HP1BP3: variants seen among roughly 807,000 people sequenced by gnomAD.
HP1BP3 encodes heterochromatin protein 1-binding protein 3.
In HP1BP3, 12 loss-of-function variants were observed where a neutral mutation model predicts 62.5. The ratio of observed to expected loss-of-function variants is 0.19; its 90% confidence interval spans 0.12 to 0.31. The LOEUF is 0.31. Ranked by LOEUF, HP1BP3 falls within the 10% of genes least tolerant of loss-of-function variation. The pLI, the probability that HP1BP3 is intolerant of heterozygous loss-of-function variation, is 1.00. For missense variants in HP1BP3, 502 were observed against 651.8 expected, an observed-to-expected ratio of 0.77 and a Z score of 2.50; for synonymous variants, 260 against 237.8, an observed-to-expected ratio of 1.09 and a Z score of -0.86.
chr1:20,767,778 GA>G (rs138055687), intron 6 of HP1BP3, 114 bp from the exon 7 acceptor site: 43,259 of 453,506 alleles, frequency 0.095, 51 homozygotes, highest in South Asian at 0.1. Flanking sequence ...CTTCTTCAGA[GA>G]AAAAAAAAAA....
intron 6 of HP1BP3, among the ~76,000 whole-genome samples, chr1:20,770,309 C>A (rs1240905869): frequency 6.6e-6 from 1 of 152,070 alleles, no homozygotes; most frequent in Non-Finnish European, 1.5e-5. Context: ...AAGACAAGGG[C>A]AATTATTATT....
In HP1BP3 at chr1:20,781,194, C is replaced by T. The variant is rs189790866; in HGVS notation, c.-100-654G>A. 1.4e-3 allele frequency among the ~76,000 whole-genome samples: 207 copies of T among 152,130 alleles called. 1 individual carries two copies. Among genetic ancestry groups the T allele is most frequent in the African/African-American group, 4.7e-3 (195 of 41,502 alleles). ...AACCCATGCAGTCACCCAAGTTTACCTGATCACTAACACCCCCTCTTCCCC... is the reference window on the plus strand; with the variant it reads ...AACCCATGCAGTCACCCAAGTTTACTTGATCACTAACACCCCCTCTTCCCC... On this transcript the variant is annotated intron_variant, in intron 1 of 12. Transcript: ENST00000438032.
At chr1:20,779,025 G>A (rs1180798709) in intron 3 of HP1BP3, among the ~76,000 whole-genome samples, 1 of 151,942 alleles carries the variant, frequency 6.6e-6, no homozygotes, top group Non-Finnish European at 1.5e-5. Flanking sequence ...CCTGACCTCA[G>A]GTGATCTGCC....
At position 20,759,880 on chromosome 1, in the gene HP1BP3, A is replaced by ATTTTTTTTT. The variant is rs71014104; in HGVS notation, c.891-2633_891-2625dup. Among the ~76,000 whole-genome samples the ATTTTTTTTT allele has an allele frequency of 4.4e-4, 50 of 113,012 alleles. 3 individuals are homozygous for ATTTTTTTTT. Among genetic ancestry groups the ATTTTTTTTT allele is most frequent in the African/African-American group, 1.6e-3 (47 of 29,240 alleles). 74.1% of individuals were successfully genotyped at this position (113,012 alleles called of 152,430 possible). The stretch of plus-strand genomic sequence containing the variant: ...GCCTTGTGGGCCATTTTAAAGACCG[A>ATTTTTTTTT]TTTTTTTTTTTTTTTTTTTTTGCCC... On this transcript the variant is annotated intron_variant, in intron 8 of 12. Transcript: ENST00000438032.
chr1:20,768,513 A>G (rs2056898190), intron 6 of HP1BP3, among the ~76,000 whole-genome samples: 1 of 152,100 alleles, frequency 6.6e-6, no homozygotes, highest in Admixed American at 6.6e-5. Context: ...ACATATTTCC[A>G]GTTCACAAAG....
At position 20,751,007 on chromosome 1, in the gene HP1BP3, C is replaced by T. The variant is rs551136479; in HGVS notation, c.982-1125G>A. 3.3e-5 allele frequency among the ~76,000 whole-genome samples: 5 copies of T among 151,562 alleles called. No homozygotes were observed. In the South Asian group the frequency reaches 8.3e-4, roughly 25 times the overall value. On this transcript the variant is annotated intron_variant, in intron 9 of 12. Transcript: ENST00000438032. Reference sequence around the variant, plus strand: ...TAATTTTTTATTTTTAGTAGAGACACGGTTTCACCATGTTGGCCAGGCTAG... The same window carrying T: ...TAATTTTTTATTTTTAGTAGAGACATGGTTTCACCATGTTGGCCAGGCTAG...
At chr1:20,774,025 A>G (rs1439221649) in intron 4 of HP1BP3, 2 of 153,314 alleles carry the variant, frequency 1.3e-5, no homozygotes, top group Admixed American at 6.5e-5. Context: ...ATCTTAGTAA[A>G]TGATGTGAGT....
intron 10 of HP1BP3, among the ~76,000 whole-genome samples, 197 bp downstream of exon 10, chr1:20,749,525 AT>A (rs201021126): frequency 6.6e-6 from 1 of 151,530 alleles, no homozygotes; most frequent in African/African-American, 2.4e-5. Context: ...CACCCTGCTA[AT>A]TTTTTTGTAT....
At chr1:20,745,964 A>G (rs978401769) in intron 11 of HP1BP3, among the ~76,000 whole-genome samples, 4 of 152,130 alleles carry the variant, frequency 2.6e-5, no homozygotes, top group Admixed American at 2.0e-4. Flanking sequence ...GTATTAGCCA[A>G]TGAGTACACA....
In HP1BP3 at chr1:20,780,491, G is replaced by T; in HGVS notation, c.-51C>A. 1.5e-6 allele frequency: 2 copies of T among 1,296,356 alleles called. No homozygotes were observed. Among genetic ancestry groups the T allele is most frequent in the Non-Finnish European group, 1.1e-6 (1 of 892,014 alleles). The allele number at this position is 1,296,356 out of a possible 1,614,324, so 80.3% of individuals were successfully genotyped here. On this transcript the variant is annotated 5_prime_UTR_variant, in exon 2 of 13. Coordinates refer to ENST00000438032, the MANE Select transcript of HP1BP3 (RefSeq NM_001372052.1). Reference sequence around the variant, plus strand: ...CAGGTTACACTCTGAAGCCTCTGCTGTTAACCACAAGGATTTTTCCTAATG... The same window carrying T: ...CAGGTTACACTCTGAAGCCTCTGCTTTTAACCACAAGGATTTTTCCTAATG...
In HP1BP3 at chr1:20,775,918, T is replaced by A. The variant is rs184710197; in HGVS notation, c.350+679A>T. On this transcript the variant is annotated intron_variant, in intron 4 of 12. Coordinates refer to ENST00000438032, the MANE Select transcript of HP1BP3 (RefSeq NM_001372052.1). The stretch of plus-strand genomic sequence containing the variant: ...TGTATCTCTCAGAATGTATACCCAT[T>A]GTTAAGCAATGCATGACTATAGTTA... The A allele has an allele frequency of 2.9e-4, 428 of 1,480,496 alleles. 1 individual carries two copies. In the African/African-American group the frequency reaches 4.6e-3, roughly 16 times the overall value. The allele number at this position is 1,480,496 out of a possible 1,614,324, so 91.7% of individuals were successfully genotyped here.
chr1:20,775,511 A>G, intron 4 of HP1BP3: 1 of 152,582 alleles, frequency 6.6e-6, no homozygotes, highest in South Asian at 2.1e-4. Context: ...TTTAGTTTTA[A>G]AAGTTGCTAA....
chr1:20,779,951 A>T, intron 2 of HP1BP3, 40 bp from the exon 3 acceptor site: 6 of 1,517,096 alleles, frequency 4.0e-6, no homozygotes, highest in African/African-American at 1.4e-5. Context: ...TGCATTAAAA[A>T]ATTCTCTTTT....
chr1:20,745,689 T>C, intron 11 of HP1BP3, 33 bp from the exon 12 acceptor site: 2 of 1,608,960 alleles, frequency 1.2e-6, no homozygotes, highest in Non-Finnish European at 1.7e-6. Context: ...AAAACACAAG[T>C]CCCATATAAA....
At position 20,744,921 on chromosome 1, in the gene HP1BP3, G is replaced by A; in HGVS notation, c.1538C>T (p.Ser513Phe). The stretch of plus-strand genomic sequence containing the variant: ...ACCACTAGGTTTCTTGATGACTGTG[G>A]ATGAGGGTCTGGTCTTCTTGGCAGG... ...KTPAKKTRPS[S>F]TVIKKPSGGS... The change falls in exon 13 of 13, where the codon TCC (serine) becomes TTC (phenylalanine). Residue 513 changes from serine (S) to phenylalanine (F), a missense_variant. Physicochemically the swap from Ser to Phe is radical, Grantham distance 155. Transcript: ENST00000438032. The A allele has an allele frequency of 2.5e-6, 4 of 1,614,192 alleles. No individual in the cohort carries two copies. The highest frequency in any genetic ancestry group is 3.4e-6 in the Non-Finnish European group (4 of 1,180,030).
intron 1 of HP1BP3, among the ~76,000 whole-genome samples, chr1:20,782,584 A>G (rs1183951348): frequency 2.0e-5 from 3 of 150,938 alleles, no homozygotes; most frequent in Non-Finnish European, 1.5e-5. Context: ...GCCTGCCTCA[A>G]GAAAAAAAAA....
intron 9 of HP1BP3, chr1:20,755,303 C>A (rs1413709698): frequency 4.6e-6 from 2 of 436,578 alleles, no homozygotes; most frequent in East Asian, 1.4e-4. Context: ...TGTGGTGGAT[C>A]ACACCTGTAA....
At position 20,745,602 on chromosome 1, in the gene HP1BP3, T is replaced by TTCATCC. The variant is rs781589210; in HGVS notation, c.1302_1307dup (p.Asp439_Glu440dup). 1.3e-5 allele frequency: 21 copies of TTCATCC among 1,613,804 alleles called. No individual in the cohort carries two copies. In the South Asian group the frequency reaches 2.2e-4, roughly 17 times the overall value. The stretch of plus-strand genomic sequence containing the variant: ...CTTCTTCTGATGACTCATCTTCATC[T>TTCATCC]TCATCCTCATCTCTAGAATCATCTG... On this transcript the variant is annotated inframe_insertion, in exon 12 of 13. Coordinates refer to ENST00000438032, the MANE Select transcript of HP1BP3 (RefSeq NM_001372052.1).
intron 9 of HP1BP3, among the ~76,000 whole-genome samples, chr1:20,756,661 G>A (rs1386382711): frequency 1.3e-5 from 2 of 152,144 alleles, no homozygotes; most frequent in Admixed American, 1.3e-4. Flanking sequence ...TTTTCTACTA[G>A]TATTTTAAAG....
Sources: gnomAD v4.1 joint callset for allele counts (sites outside exome capture counted in the v4.1 genomes callset) on GRCh38, gnomAD v4.1.1 for gene constraint, MANE v1.5 for transcripts, NCBI Gene and HGNC (gene_info 2026-07-23, HGNC 2026-07-21) for gene names.